The following INPP5B variants were observed in gnomAD, a reference collection of about 807,000 sequenced individuals.
The protein encoded by INPP5B is type II inositol 1,4,5-trisphosphate 5-phosphatase.
INPP5B carries 90 observed loss-of-function variants against 118.5 expected under a neutral mutation model. The ratio of observed to expected loss-of-function variants is 0.76; its 90% confidence interval spans 0.64 to 0.90. INPP5B has a LOEUF of 0.90. Ranked by LOEUF, INPP5B falls within the 40% of genes least tolerant of loss-of-function variation. The pLI, the probability that INPP5B is intolerant of heterozygous loss-of-function variation, is 0.00. For missense variants in INPP5B, 984 were observed against 1,125.6 expected (o/e 0.87, Z 1.80); for synonymous variants, 385 against 418.9 (o/e 0.92, Z 0.99).
In INPP5B at chr1:37,862,169, G is replaced by C; in HGVS notation, c.*146C>G. ...AGCGCTGAGTGTGCTAACCAATGGTGGGCTTAATTGGGGTACTAGGCTCAG... is the reference window on the plus strand; with the variant it reads ...AGCGCTGAGTGTGCTAACCAATGGTCGGCTTAATTGGGGTACTAGGCTCAG... On this transcript the variant is annotated 3_prime_UTR_variant, in exon 24 of 24. Transcript: ENST00000373024. 3.2e-6 allele frequency: 2 copies of C among 615,460 alleles called. No individual in the cohort carries two copies. The highest frequency in any genetic ancestry group is 5.9e-6 in the Non-Finnish European group (2 of 340,640). 38.1% of individuals were successfully genotyped at this position (615,460 alleles called of 1,614,324 possible). A position where few individuals can be genotyped will look rare whatever the true frequency, so the allele number is the denominator to read the frequency against.
chr1:37,863,689 GCA>G (rs377183227), intron 23 of INPP5B, among the ~76,000 whole-genome samples: 14 of 148,388 alleles, frequency 9.4e-5, no homozygotes, highest in Non-Finnish European at 1.3e-4. Context: ...ACTTTCTCAA[GCA>G]CACACACACA....
intron 7 of INPP5B, among the ~76,000 whole-genome samples, chr1:37,900,455 A>G (rs1644289402): frequency 6.7e-6 from 1 of 150,118 alleles, no homozygotes; most frequent in African/African-American, 2.5e-5. Context: ...GGGTTTCACA[A>G]TGTTGGTCAG....
At chr1:37,887,527 A>C in intron 10 of INPP5B, 62 bp from the exon 11 acceptor site, 2 of 992,296 alleles carry the variant, frequency 2.0e-6, no homozygotes, top group East Asian at 2.4e-5. Flanking sequence ...ACACATTCTC[A>C]GATTGGTTTA....
chr1:37,921,120 A>C (rs974366125), intron 7 of INPP5B, among the ~76,000 whole-genome samples: 5 of 152,160 alleles, frequency 3.3e-5, no homozygotes, highest in African/African-American at 9.7e-5. Flanking sequence ...ATAAATCAAT[A>C]AATAAAAATA....
chr1:37,946,457 G>GGCCTGATCCTCCTCCTCCTCC, intron 1 of INPP5B, 123 bp from the exon 2 acceptor site: 1 of 667,190 alleles, frequency 1.5e-6, no homozygotes, highest in Non-Finnish European at 2.6e-6. Context: ...GTACCGGGGA[G>GGCCTGATCCTCCTCCTCCTCC]GCCTGATCCT....
At chr1:37,946,208 A>G (rs761593226) in intron 2 of INPP5B, 44 bp downstream of exon 2, 1 of 1,576,896 alleles carries the variant, frequency 6.3e-7, no homozygotes, top group Non-Finnish European at 8.7e-7. Context: ...CCTCTTCCCA[A>G]GGCCAGGGCA....
At chr1:37,925,373 T>C (rs1302294106) in intron 7 of INPP5B, among the ~76,000 whole-genome samples, 1 of 152,096 alleles carries the variant, frequency 6.6e-6, no homozygotes, top group Non-Finnish European at 1.5e-5. Flanking sequence ...CATGTATGGA[T>C]CACCAATAAC....
rs186220672 is a variant in INPP5B, at chr1:37,936,678, G to A, written c.391+4010C>T. The stretch of plus-strand genomic sequence containing the variant: ...GGAGAGGGTGCCATGAGCTAAGGAA[G>A]CACTAGAGCAAAACACGCAAGGGCT... On this transcript the variant is annotated intron_variant, in intron 6 of 23. Coordinates refer to ENST00000373024, the MANE Select transcript of INPP5B (RefSeq NM_005540.3). 6.1e-3 allele frequency among the ~76,000 whole-genome samples: 922 copies of A among 151,696 alleles called. 6 individuals carry two copies. Among genetic ancestry groups the A allele is most frequent in the Non-Finnish European group, 8.6e-3 (583 of 67,932 alleles).
chr1:37,901,740 C>T (rs1259348973), intron 7 of INPP5B, among the ~76,000 whole-genome samples: 2 of 152,080 alleles, frequency 1.3e-5, no homozygotes, highest in Admixed American at 1.3e-4. Context: ...CTCGGAATCT[C>T]CTCTCTAGAA....
rs1247588079 is a variant in INPP5B at position 37,865,789 on chromosome 1, C to G, written c.2486G>C (p.Cys829Ser). 1.2e-6 allele frequency: 2 copies of G among 1,613,698 alleles called. No homozygotes were observed. Among genetic ancestry groups the G allele is most frequent in the Admixed American group, 3.3e-5 (2 of 60,000 alleles). ...CYSTYHNCLE[C>S]SGNYTASKQV... ...TTTGCTTGCTGTGTAGTTGCCAGAA[C>G]ACTCCAAGCAGTTATGGTAGGTGCT... Residue 829 changes from cysteine (C) to serine (S), a missense_variant, in exon 22 of 24, where the codon TGT becomes TCT. Coordinates refer to ENST00000373024, the MANE Select transcript of INPP5B (RefSeq NM_005540.3).
rs1218175585 is a variant in INPP5B, at chr1:37,907,021, G to C, written c.533-15567C>G. Among the ~76,000 whole-genome samples, 1 of 152,124 alleles carries C rather than the reference G, an allele frequency of 6.6e-6. No individual in the cohort carries two copies. Among genetic ancestry groups the C allele is most frequent in the African/African-American group, 2.4e-5 (1 of 41,414 alleles). Reference sequence around the variant, plus strand: ...CAGCTCAGAAGAAACAAGAGATATAGGTAATGTAAAAACCTGGATCAATAT... The same window carrying C: ...CAGCTCAGAAGAAACAAGAGATATACGTAATGTAAAAACCTGGATCAATAT... On this transcript the variant is annotated intron_variant, in intron 7 of 23. Transcript: ENST00000373024. This position sits in a 1 kb window ranked among gnomAD's most constrained non-coding sequence, Gnocchi z 4.3.
At chr1:37,869,529 C>G (rs930418760) in intron 19 of INPP5B, among the ~76,000 whole-genome samples, 3 of 151,324 alleles carry the variant, frequency 2.0e-5, no homozygotes, top group African/African-American at 2.4e-5. Flanking sequence ...CGCCCAGGCT[C>G]AGTGCAGTGG....
At chr1:37,940,885 A>G in intron 5 of INPP5B, 87 bp from the exon 6 acceptor site, 1 of 879,738 alleles carries the variant, frequency 1.1e-6, no homozygotes, top group East Asian at 2.6e-5. Context: ...AGAATCAGCA[A>G]CCCAGACTCC....
intron 7 of INPP5B, among the ~76,000 whole-genome samples, chr1:37,897,785 A>G (rs1057027098): frequency 6.6e-6 from 1 of 151,838 alleles, no homozygotes; most frequent in Admixed American, 6.6e-5. Flanking sequence ...ATAAAAATAA[A>G]ATAAGATAAA....
chr1:37,875,860 T>G, intron 16 of INPP5B, 144 bp from the exon 17 acceptor site: 721 of 560,314 alleles, frequency 1.3e-3, no homozygotes, highest in Middle Eastern at 1.8e-3. Flanking sequence ...ATTAATGAAC[T>G]CCATTAACAA....
At chr1:37,871,155 CAA>C (rs34490677) in intron 19 of INPP5B, among the ~76,000 whole-genome samples, 3 of 48,874 alleles carry the variant, frequency 6.1e-5, no homozygotes, top group African/African-American at 8.6e-5. Flanking sequence ...AAGACTGTCT[CAA>C]AAAAAAAAAA....
intron 15 of INPP5B, among the ~76,000 whole-genome samples, chr1:37,879,709 G>A (rs1643078329): frequency 6.6e-6 from 1 of 152,046 alleles, no homozygotes; most frequent in Non-Finnish European, 1.5e-5. Context: ...AGTGGGCCAA[G>A]ATCCAGCCAT....
At chr1:37,865,972 C>T in intron 21 of INPP5B, 84 bp from the exon 22 acceptor site, 5 of 1,570,888 alleles carry the variant, frequency 3.2e-6, no homozygotes, top group Non-Finnish European at 4.3e-6. Context: ...GCCAGAAGTG[C>T]TGCCTGCCCT....
intron 7 of INPP5B, among the ~76,000 whole-genome samples, chr1:37,918,703 G>T (rs753707970): frequency 3.9e-5 from 6 of 152,196 alleles, no homozygotes; most frequent in Non-Finnish European, 8.8e-5. Flanking sequence ...TACTTAATTT[G>T]CTTCCTCATT....
Sources: allele counts gnomAD v4.1 joint callset (sites outside exome capture counted in the v4.1 genomes callset), GRCh38; gene constraint gnomAD v4.1.1; non-coding constraint Gnocchi (gnomAD v3.1); transcripts MANE v1.5; gene names NCBI Gene and HGNC (gene_info 2026-07-23, HGNC 2026-07-21).